PLEKHG7: variants seen among roughly 807,000 people sequenced by gnomAD.
PLEKHG7 encodes the protein pleckstrin homology and RhoGEF domain containing G7, also known as pleckstrin homology domain-containing family G member 7.
Under a neutral mutation model 85.2 loss-of-function variants are expected in PLEKHG7, and 77 were observed. That is an observed-to-expected ratio of 0.90 (90% CI 0.75 to 1.09). The LOEUF is 1.09. Among genes scored for constraint, PLEKHG7 ranks in the 50% least tolerant of loss-of-function variants. PLEKHG7 has a pLI of 0.00. For synonymous variants in PLEKHG7, 301 were observed against 302.4 expected (o/e 1.00, Z 0.05); for missense variants, 777 against 804.3 (o/e 0.97, Z 0.41).
At chr12:92,726,254 G>T (rs561452110) in intron 3 of PLEKHG7, among the ~76,000 whole-genome samples, 1 of 152,282 alleles carries the variant, frequency 6.6e-6, no homozygotes, top group East Asian at 1.9e-4. Context: ...AGGAAGGACT[G>T]GGATAGGGAG....
rs767911754 is a variant in PLEKHG7, at chr12:92,752,852, G to A, written c.1252-1238G>A. On this transcript the variant is annotated intron_variant, in intron 10 of 16. Transcript: ENST00000344636. Reference sequence around the variant, plus strand: ...CTGAAAGTCTCCTGGTGCCAGCATGGTTAGGGGCCGGTGATGGCCCTTTTG... The same window carrying A: ...CTGAAAGTCTCCTGGTGCCAGCATGATTAGGGGCCGGTGATGGCCCTTTTG... Among the ~76,000 whole-genome samples the A allele has an allele frequency of 2.6e-5, 4 of 152,290 alleles. No homozygotes were observed. In the East Asian group the frequency reaches 7.7e-4, roughly 29 times the overall value.
intron 1 of PLEKHG7, among the ~76,000 whole-genome samples, 191 bp downstream of exon 1, chr12:92,703,323 G>A (rs1434896509): frequency 6.6e-6 from 1 of 152,150 alleles, no homozygotes; most frequent in Non-Finnish European, 1.5e-5. Context: ...GGTGTTTGCT[G>A]GATTCTCAAA....
At position 92,761,630 on chromosome 12, in the gene PLEKHG7, GAA is replaced by G. The variant is rs1326617093; in HGVS notation, c.1637-120_1637-119del. 178 of 135,256 alleles carry G rather than the reference GAA, an allele frequency of 1.3e-3. 2 individuals are homozygous for G. The highest frequency in any genetic ancestry group is 5.2e-3 in the Admixed American group (15 of 2,872). The allele number at this position is 135,256 out of a possible 1,614,324, so 8.4% of individuals were successfully genotyped here. Reference sequence around the variant, plus strand: ...GAAAAAGAAAGAAAGAAAGAAGAAAGAAAGAAAGAAAGAAAGAAAGAAAGAAA... The same window carrying G: ...GAAAAAGAAAGAAAGAAAGAAGAAAGAGAAAGAAAGAAAGAAAGAAAGAAA... On this transcript the variant is annotated intron_variant, in intron 13 of 16. Transcript: ENST00000344636.
At chr12:92,760,373 A>G (rs1480898128) in intron 13 of PLEKHG7, among the ~76,000 whole-genome samples, 4 of 151,902 alleles carry the variant, frequency 2.6e-5, no homozygotes, top group Non-Finnish European at 4.4e-5. Context: ...TGAATAAAAT[A>G]CCAGATTTCT....
At chr12:92,766,788 C>A (rs1050076987) in intron 15 of PLEKHG7, among the ~76,000 whole-genome samples, 1 of 152,302 alleles carries the variant, frequency 6.6e-6, no homozygotes, top group Non-Finnish European at 1.5e-5. Context: ...CAAGGTCGCA[C>A]GACTGCACTC....
intron 3 of PLEKHG7, chr12:92,721,340 G>T (rs1592675225): frequency 1.4e-6 from 1 of 697,204 alleles, no homozygotes; most frequent in Admixed American, 4.4e-5. Flanking sequence ...CAGCAGTGGG[G>T]TTGGGGGGGA....
At chr12:92,736,922 G>A (rs1054517587) in intron 6 of PLEKHG7, among the ~76,000 whole-genome samples, 1 of 152,096 alleles carries the variant, frequency 6.6e-6, no homozygotes, top group South Asian at 2.1e-4. Context: ...AATTTCTAAA[G>A]GTCTCTTTGC....
At chr12:92,725,057 A>C (rs551540978) in intron 3 of PLEKHG7, among the ~76,000 whole-genome samples, 5 of 152,292 alleles carry the variant, frequency 3.3e-5, no homozygotes, top group African/African-American at 1.2e-4. Flanking sequence ...ACAATTGACT[A>C]AAGCTGAGCC....
chr12:92,753,009 C>T (rs1872734136), intron 10 of PLEKHG7, among the ~76,000 whole-genome samples: 1 of 152,158 alleles, frequency 6.6e-6, no homozygotes, highest in African/African-American at 2.4e-5. Flanking sequence ...CTAATCACCT[C>T]CCAACAGCCC....
At chr12:92,752,767 A>G (rs118039369) in intron 10 of PLEKHG7, among the ~76,000 whole-genome samples, 2,751 of 152,308 alleles carry the variant, frequency 0.018, 28 homozygotes, top group Non-Finnish European at 0.028. Flanking sequence ...TGCTAGAACA[A>G]CACACCATAG....
intron 13 of PLEKHG7, among the ~76,000 whole-genome samples, chr12:92,757,181 T>A (rs183682088): frequency 1.3e-5 from 2 of 152,196 alleles, no homozygotes; most frequent in Non-Finnish European, 2.9e-5. Flanking sequence ...TTTACAGTGA[T>A]CTCCTGTGCT....
chr12:92,734,945 A>G lies in PLEKHG7; in HGVS notation c.700-1537A>G, dbSNP rs1246829703. ...GCCTCTCCTAACCACTGCCACCACAATGGAGGCAAGAAGGTACTAAATGGG... is the reference window on the plus strand; with the variant it reads ...GCCTCTCCTAACCACTGCCACCACAGTGGAGGCAAGAAGGTACTAAATGGG... On this transcript the variant is annotated intron_variant, in intron 5 of 16. Transcript: ENST00000344636. 4.6e-5 allele frequency among the ~76,000 whole-genome samples: 7 copies of G among 152,296 alleles called. No individual in the cohort carries two copies. In the East Asian group the frequency reaches 9.6e-4, roughly 21 times the overall value.
chr12:92,743,149 C>G (rs1385643835), intron 9 of PLEKHG7, among the ~76,000 whole-genome samples: 2 of 152,178 alleles, frequency 1.3e-5, no homozygotes, highest in East Asian at 3.9e-4. Context: ...TGCTCTGCTT[C>G]CAAGTTGTCT....
intron 3 of PLEKHG7, among the ~76,000 whole-genome samples, chr12:92,718,292 C>A (rs76256695): frequency 0.068 from 10,297 of 152,276 alleles, 430 homozygotes; most frequent in African/African-American, 0.099. Flanking sequence ...GCAAGGGGAA[C>A]CACGTGCCAC....
At chr12:92,767,255 A>G (rs182169726) in intron 15 of PLEKHG7, among the ~76,000 whole-genome samples, 1 of 152,230 alleles carries the variant, frequency 6.6e-6, no homozygotes, top group Non-Finnish European at 1.5e-5. Context: ...CCTGTATATT[A>G]TACTCTCTCC....
At chr12:92,713,642 T>C (rs1170322489) in intron 3 of PLEKHG7, among the ~76,000 whole-genome samples, 2 of 152,190 alleles carry the variant, frequency 1.3e-5, no homozygotes, top group Non-Finnish European at 2.9e-5. Flanking sequence ...CTCACAAATC[T>C]ATTTCACAAG....
intron 15 of PLEKHG7, among the ~76,000 whole-genome samples, chr12:92,766,978 A>T (rs1395230117): frequency 2.0e-5 from 3 of 152,232 alleles, no homozygotes; most frequent in Admixed American, 2.0e-4. Context: ...GAGCAGCTAT[A>T]GAACAGGAAA....
intron 1 of PLEKHG7, among the ~76,000 whole-genome samples, chr12:92,703,558 G>T (rs1319726591): frequency 2.0e-5 from 3 of 152,172 alleles, no homozygotes; most frequent in Admixed American, 2.0e-4. Context: ...ATGTCCTCTT[G>T]GTAAATGCTG....
At chr12:92,751,601 T>C (rs1872691734) in intron 10 of PLEKHG7, among the ~76,000 whole-genome samples, 1 of 151,724 alleles carries the variant, frequency 6.6e-6, no homozygotes, top group Non-Finnish European at 1.5e-5. Flanking sequence ...CTCGAACTCC[T>C]GACCTCCAGT....
Sources: allele counts gnomAD v4.1 joint callset (sites outside exome capture counted in the v4.1 genomes callset), GRCh38; gene constraint gnomAD v4.1.1; transcripts MANE v1.5; gene names NCBI Gene and HGNC (gene_info 2026-07-23, HGNC 2026-07-21).